The following SLC26A7 variants were observed in gnomAD, a reference collection of about 807,000 sequenced individuals.
The protein encoded by SLC26A7 is anion exchange transporter.
SLC26A7 carries 59 observed loss-of-function variants against 82.5 expected under a neutral mutation model. The observed-to-expected ratio is 0.72, with a 90% CI of 0.58 to 0.89. SLC26A7 has a LOEUF of 0.89. Among genes scored for constraint, SLC26A7 ranks in the 40% least tolerant of loss-of-function variants. The pLI, the probability that SLC26A7 is intolerant of heterozygous loss-of-function variation, is 0.00. For missense variants in SLC26A7, 820 were observed against 793.0 expected, an observed-to-expected ratio of 1.03 and a Z score of -0.41; for synonymous variants, 271 against 274.3, an observed-to-expected ratio of 0.99 and a Z score of 0.12.
upstream of SLC26A7, among the ~76,000 whole-genome samples, chr8:91,248,826 C>G (rs941269464): frequency 3.3e-5 from 5 of 152,116 alleles, no homozygotes; most frequent in African/African-American, 1.2e-4. Flanking sequence ...GTTTCAGAGA[C>G]AGGGAAGATC....
chr8:91,334,380 T>A lies in SLC26A7; in HGVS notation c.728T>A (p.Leu243His), dbSNP rs760094718. 6.2e-7 allele frequency: 1 copy of A among 1,613,566 alleles called. No individual in the cohort carries two copies. Among genetic ancestry groups the A allele is most frequent in the Admixed American group, 1.7e-5 (1 of 59,978 alleles). The stretch of plus-strand genomic sequence containing the variant: ...TTGCTGAGCATTGTGGTCCTTGTTC[T>A]TGTTAAAGAGCTGAATGAACAGTTT... ...LSLLSIVVLV[L>H]VKELNEQFKR... The change falls in exon 6 of 19, where the codon CTT becomes CAT. Residue 243 changes from leucine (L) to histidine (H), a missense_variant. Physicochemically the swap from Leu to His is moderately conservative, Grantham distance 99 (BLOSUM62 -3). Coordinates refer to ENST00000276609, the MANE Select transcript of SLC26A7 (RefSeq NM_052832.4).
Position 91,363,533 on chromosome 8 carries a change from G to C in SLC26A7, c.1483G>C (p.Asp495His), listed in dbSNP as rs1378051762. The change falls in exon 13 of 19, where the codon GAC becomes CAC. Residue 495 changes from aspartate to histidine, a missense_variant. By Grantham distance (81) the Asp-to-His change is moderately conservative. Coordinates refer to ENST00000276609, the MANE Select transcript of SLC26A7 (RefSeq NM_052832.4). ...GGAATTTAAAGTGAAGACAGAAATG[G>C]ACAGTGTAAGTTTAGTTTTATTTTT... ...EMEFKVKTEM[D>H]SETLQQVKII... The C allele has an allele frequency of 2.0e-6, 3 of 1,488,872 alleles. No individual in the cohort carries two copies. The highest frequency in any genetic ancestry group is 2.8e-6 in the Non-Finnish European group (3 of 1,084,054). The allele number at this position is 1,488,872 out of a possible 1,614,324, so 92.2% of individuals were successfully genotyped here. A position where few individuals can be genotyped will look rare whatever the true frequency, so the allele number is the denominator to read the frequency against.
chr8:91,290,949 A>T (rs1811848052), intron 3 of SLC26A7, among the ~76,000 whole-genome samples: 1 of 152,200 alleles, frequency 6.6e-6, no homozygotes, highest in African/African-American at 2.4e-5. Context: ...GAGCTTGTTA[A>T]AAGTGCAAAG....
At chr8:91,227,262 C>T (rs1810250816) in intron 2 of SLC26A7, among the ~76,000 whole-genome samples, 1 of 152,164 alleles carries the variant, frequency 6.6e-6, no homozygotes, top group Admixed American at 6.5e-5. Context: ...TATCTAGCTT[C>T]AATTTTTCTC....
intron 2 of SLC26A7, among the ~76,000 whole-genome samples, chr8:91,242,975 G>A (rs898761118): frequency 6.6e-6 from 1 of 152,110 alleles, no homozygotes; most frequent in Non-Finnish European, 1.5e-5. Context: ...ACCAAATATT[G>A]TGCTTAAATT....
intron 15 of SLC26A7, among the ~76,000 whole-genome samples, chr8:91,388,440 C>G (rs1814862891): frequency 1.3e-5 from 2 of 152,134 alleles, no homozygotes; most frequent in Non-Finnish European, 2.9e-5. Context: ...GAACCACAGT[C>G]CCACTTTTAT....
chr8:91,366,811 G>A (rs977475650), intron 14 of SLC26A7, 94 bp downstream of exon 14: 28 of 1,365,158 alleles, frequency 2.1e-5, no homozygotes, highest in Middle Eastern at 2.7e-4. Flanking sequence ...TACATCACAC[G>A]AGTATTTCGA....
chr8:91,335,276 G>A (rs1233833167), intron 6 of SLC26A7, among the ~76,000 whole-genome samples: 1 of 152,060 alleles, frequency 6.6e-6, no homozygotes, highest in African/African-American at 2.4e-5. Context: ...CATTGCAATT[G>A]ACTATTAAGG....
chr8:91,287,724 T>C (rs1402998994), intron 2 of SLC26A7, among the ~76,000 whole-genome samples: 1 of 152,226 alleles, frequency 6.6e-6, no homozygotes. Context: ...TTTTCTAGCT[T>C]TTCATATGGC....
Position 91,348,083 on chromosome 8 carries a change from C to T in SLC26A7, c.1141-3727C>T, listed in dbSNP as rs549656138. On this transcript the variant is annotated intron_variant, in intron 9 of 18. Transcript: ENST00000276609. The stretch of plus-strand genomic sequence containing the variant: ...TGCTGCACAGGCAGCTCAGCCACAA[C>T]TGAAAACAACAGCTGGCATGTTTTT... Among the ~76,000 whole-genome samples, 5 of 152,326 alleles carry T rather than the reference C, an allele frequency of 3.3e-5. No homozygotes were observed. In the South Asian group the frequency reaches 1.0e-3, roughly 32 times the overall value.
chr8:91,378,990 A>G (rs1010950144), intron 15 of SLC26A7, among the ~76,000 whole-genome samples: 1 of 152,072 alleles, frequency 6.6e-6, no homozygotes, highest in Non-Finnish European at 1.5e-5. Context: ...CATAATCAAT[A>G]TAAAATCAAT....
In SLC26A7 at chr8:91,252,092, T is replaced by G. The variant is rs538590252; in HGVS notation, c.193+2248T>G. Reference sequence around the variant, plus strand: ...AATTAGAAGAAAGAGGGATAATTTTTGTTCTTGCATCATAACGCAAACAAT... The same window carrying G: ...AATTAGAAGAAAGAGGGATAATTTTGGTTCTTGCATCATAACGCAAACAAT... On this transcript the variant is annotated intron_variant, in intron 2 of 18. Coordinates refer to ENST00000276609, the MANE Select transcript of SLC26A7 (RefSeq NM_052832.4). Among the ~76,000 whole-genome samples the G allele has an allele frequency of 4.6e-5, 7 of 152,312 alleles. No individual in the cohort carries two copies. In the South Asian group the frequency reaches 8.3e-4, roughly 18 times the overall value.
rs11990146 is a variant in SLC26A7, at chr8:91,340,385, A to G, written c.879-19A>G. Reference sequence around the variant, plus strand: ...TTACATGAAGTTTGATGACTTCAATATGGTCCTTCTTTCCACAGAATTCCC... The same window carrying G: ...TTACATGAAGTTTGATGACTTCAATGTGGTCCTTCTTTCCACAGAATTCCC... On this transcript the variant is annotated intron_variant, in intron 7 of 18. Transcript: ENST00000276609. The G allele has an allele frequency of 1.1e-3, 1,811 of 1,612,192 alleles. 15 individuals are homozygous for G. The African/African-American group carries it at 0.021, about 19-fold the overall frequency.
intron 4 of SLC26A7, 108 bp downstream of exon 4, chr8:91,295,811 T>C: frequency 9.3e-7 from 1 of 1,079,566 alleles, no homozygotes; most frequent in Non-Finnish European, 1.3e-6. Context: ...TATAGGTGGA[T>C]AAAGGCCTGA....
chr8:91,234,825 C>CCTTCCTTCCTTCCTTCCT lies in SLC26A7; in HGVS notation c.-33-14794_-33-14793insCTTCCTTCCTTCCTTCCT, dbSNP rs1563637500. Among the ~76,000 whole-genome samples the CCTTCCTTCCTTCCTTCCT allele has an allele frequency of 5.6e-3, 487 of 86,376 alleles. 3 individuals carry two copies. Among genetic ancestry groups the CCTTCCTTCCTTCCTTCCT allele is most frequent in the African/African-American group, 0.022 (460 of 21,382 alleles). The allele number at this position is 86,376 out of a possible 152,430, so 56.7% of individuals were successfully genotyped here. ...CCTACCTACCTACCTACCTACCTAC[C>CCTTCCTTCCTTCCTTCCT]TACTTCCTTCCTTCCTTCCTTCCTT... On this transcript the variant is annotated intron_variant, in intron 2 of 5. Coordinates refer to the SLC26A7 transcript ENST00000522862.
chr8:91,385,503 C>A (rs1174296455), intron 15 of SLC26A7, among the ~76,000 whole-genome samples: 1 of 152,198 alleles, frequency 6.6e-6, no homozygotes, highest in African/African-American at 2.4e-5. Context: ...AGAAGAAAAT[C>A]ATGAATTGCC....
intron 10 of SLC26A7, among the ~76,000 whole-genome samples, chr8:91,352,490 T>C (rs908190210): frequency 1.3e-5 from 2 of 152,110 alleles, no homozygotes; most frequent in Non-Finnish European, 2.9e-5. Flanking sequence ...TATAAATATC[T>C]TCAGGTGAAA....
chr8:91,242,507 A>G (rs1810488061), intron 2 of SLC26A7, among the ~76,000 whole-genome samples: 1 of 152,186 alleles, frequency 6.6e-6, no homozygotes, highest in Non-Finnish European at 1.5e-5. Context: ...CCTAGCCCCC[A>G]GTGTGATGGA....
At chr8:91,240,366 G>T (rs752158889) in intron 2 of SLC26A7, among the ~76,000 whole-genome samples, 3 of 152,102 alleles carry the variant, frequency 2.0e-5, no homozygotes, top group Non-Finnish European at 4.4e-5. Flanking sequence ...AATTTCAATA[G>T]TGTTACTAAT....
Sources: gnomAD v4.1 joint callset for allele counts (sites outside exome capture counted in the v4.1 genomes callset) on GRCh38, gnomAD v4.1.1 for gene constraint, MANE v1.5 for transcripts, NCBI Gene and HGNC (gene_info 2026-07-23, HGNC 2026-07-21) for gene names.